Variants in ASCC3 observed in about 807,000 individuals in gnomAD.
ASCC3 encodes ASC-1 complex subunit P200.
In ASCC3, 158 loss-of-function variants were observed where a neutral mutation model predicts 256.3. The ratio of observed to expected loss-of-function variants is 0.62; its 90% CI spans 0.54 to 0.70. ASCC3 has a LOEUF of 0.70. Among genes scored for constraint, ASCC3 ranks in the 30% least tolerant of loss-of-function variants. The pLI is 0.00. For synonymous variants in ASCC3, 948 were observed against 883.4 expected (o/e 1.07, Z -1.30); for missense variants, 2,259 against 2,626.0 (o/e 0.86, Z 3.05).
intron 30 of ASCC3, among the ~76,000 whole-genome samples, chr6:100,617,519 T>C (rs532231991): frequency 2.6e-5 from 4 of 152,318 alleles, no homozygotes; most frequent in Non-Finnish European, 5.9e-5. Context: ...CAGTAAAACT[T>C]CTAGAAGTTG....
At chr6:100,570,792 C>T (rs762609227) in intron 36 of ASCC3, among the ~76,000 whole-genome samples, 6 of 152,136 alleles carry the variant, frequency 3.9e-5, no homozygotes, top group Non-Finnish European at 7.4e-5. Context: ...TAATGGTATT[C>T]TCTCTCACCA....
At chr6:100,520,059 C>A (rs1414604335) in intron 37 of ASCC3, among the ~76,000 whole-genome samples, 1 of 152,100 alleles carries the variant, frequency 6.6e-6, no homozygotes, top group Non-Finnish European at 1.5e-5. Context: ...CAATTACTCC[C>A]TAGTTGTCTT....
chr6:100,576,981 TAATC>T (rs1770903051), intron 36 of ASCC3, among the ~76,000 whole-genome samples: 1 of 149,300 alleles, frequency 6.7e-6, no homozygotes, highest in Non-Finnish European at 1.5e-5. Context: ...AATGGAATAA[TAATC>T]AACAGGAATT....
intron 4 of ASCC3, among the ~76,000 whole-genome samples, chr6:100,836,914 C>A (rs1010827474): frequency 2.0e-5 from 3 of 152,056 alleles, no homozygotes; most frequent in Non-Finnish European, 4.4e-5. Flanking sequence ...CATCTCATTA[C>A]TTGTTACTGG....
At chr6:100,578,651 T>C (rs1399767920) in intron 36 of ASCC3, among the ~76,000 whole-genome samples, 1 of 152,274 alleles carries the variant, frequency 6.6e-6, no homozygotes, top group East Asian at 1.9e-4. Context: ...CCACATTATC[T>C]TTATCCAGTC....
intron 14 of ASCC3, among the ~76,000 whole-genome samples, chr6:100,677,163 G>A (rs1002193648): frequency 1.3e-5 from 2 of 152,064 alleles, no homozygotes; most frequent in Admixed American, 6.6e-5. Flanking sequence ...ATGAAGGAAT[G>A]TACTACTAGC....
intron 1 of ASCC3, among the ~76,000 whole-genome samples, chr6:100,876,594 T>A (rs1156775279): frequency 6.6e-6 from 1 of 152,186 alleles, no homozygotes; most frequent in Non-Finnish European, 1.5e-5. Flanking sequence ...ATAACATTCA[T>A]AGTTAAAATT....
intron 4 of ASCC3, among the ~76,000 whole-genome samples, chr6:100,835,649 T>C (rs1218577947): frequency 6.6e-6 from 1 of 152,188 alleles, no homozygotes; most frequent in Non-Finnish European, 1.5e-5. Context: ...TTTATGCCAG[T>C]ACCATGCTCT....
At chr6:100,877,566 T>C (rs1769043102) in intron 1 of ASCC3, among the ~76,000 whole-genome samples, 1 of 152,194 alleles carries the variant, frequency 6.6e-6, no homozygotes, top group South Asian at 2.1e-4. Context: ...GATTTTTTCA[T>C]GATAAATCCT....
chr6:100,677,608 C>A (rs1253294999), intron 14 of ASCC3, among the ~76,000 whole-genome samples: 2 of 151,928 alleles, frequency 1.3e-5, no homozygotes, highest in East Asian at 3.8e-4. Context: ...AGTGAAACAT[C>A]TATTATAATG....
intron 24 of ASCC3, among the ~76,000 whole-genome samples, chr6:100,639,274 A>G (rs1774996153): frequency 1.3e-5 from 2 of 152,240 alleles, no homozygotes; most frequent in African/African-American, 2.4e-5. Flanking sequence ...GTCAATGGAA[A>G]GTAAAATGAA....
intron 10 of ASCC3, among the ~76,000 whole-genome samples, chr6:100,734,609 C>T (rs1225720453): frequency 6.6e-6 from 1 of 152,106 alleles, no homozygotes; most frequent in African/African-American, 2.4e-5. Context: ...GATTATAGCA[C>T]AAAGCACATA....
intron 13 of ASCC3, among the ~76,000 whole-genome samples, chr6:100,689,109 C>T (rs1303004895): frequency 6.6e-6 from 1 of 152,092 alleles, no homozygotes; most frequent in East Asian, 1.9e-4. Flanking sequence ...ATTCTATAAA[C>T]CTACAAAGCC....
At chr6:100,671,592 T>G (rs1262284974) in intron 14 of ASCC3, among the ~76,000 whole-genome samples, 1 of 152,022 alleles carries the variant, frequency 6.6e-6, no homozygotes, top group Non-Finnish European at 1.5e-5. Context: ...TTTTCACAAG[T>G]GAACTTTCCA....
At chr6:100,853,201 A>C (rs1266944644) in intron 3 of ASCC3, among the ~76,000 whole-genome samples, 1 of 152,148 alleles carries the variant, frequency 6.6e-6, no homozygotes, top group African/African-American at 2.4e-5. Flanking sequence ...TTTAAAATCA[A>C]AGAGTTAAAT....
In ASCC3 at chr6:100,868,032, C is replaced by T. The variant is rs765221497; in HGVS notation, c.-35G>A. 2 of 1,491,858 alleles carry T rather than the reference C, an allele frequency of 1.3e-6. No individual in the cohort carries two copies. Among genetic ancestry groups the T allele is most frequent in the Middle Eastern group, 1.7e-4 (1 of 5,816 alleles). 92.4% of individuals were successfully genotyped at this position (1,491,858 alleles called of 1,614,324 possible). ...AATCAGTGATCCATACAGCAAGAAA[C>T]CTGAAACTGAAACAAAACAAGATGA... is the stretch of plus-strand genomic sequence containing the variant. On this transcript the variant is annotated 5_prime_UTR_variant, in exon 2 of 42. Coordinates refer to ENST00000369162, the MANE Select transcript of ASCC3 (RefSeq NM_006828.4).
intron 36 of ASCC3, among the ~76,000 whole-genome samples, chr6:100,572,418 A>G (rs1440160255): frequency 1.3e-5 from 2 of 152,124 alleles, no homozygotes; most frequent in Admixed American, 6.6e-5. Context: ...TACCCATTCT[A>G]TGGTATTTTT....
chr6:100,639,010 TATTG>T (rs201912924), intron 24 of ASCC3, among the ~76,000 whole-genome samples, 189 bp from the exon 25 acceptor site: 2,141 of 152,324 alleles, frequency 0.014, 40 homozygotes, highest in African/African-American at 0.049. Context: ...ACATTTACCA[TATTG>T]ACATACTGGA....
chr6:100,755,012 T>A (rs1234400184), intron 10 of ASCC3, among the ~76,000 whole-genome samples: 1 of 152,120 alleles, frequency 6.6e-6, no homozygotes, highest in Non-Finnish European at 1.5e-5. Flanking sequence ...CCTCTTTTTC[T>A]TTATAAATTA....
Sources: allele counts gnomAD v4.1 joint callset (sites outside exome capture counted in the v4.1 genomes callset), GRCh38; gene constraint gnomAD v4.1.1; transcripts MANE v1.5; gene names NCBI Gene and HGNC (gene_info 2026-07-23, HGNC 2026-07-21).